The following DLGAP2 variants were observed in gnomAD, a reference collection of about 807,000 sequenced individuals.
DLGAP2 encodes the protein disks large-associated protein 2.
DLGAP2 carries 26 observed loss-of-function variants against 100.3 expected under a neutral mutation model. That is an observed-to-expected ratio of 0.26 (90% confidence interval 0.19 to 0.36). DLGAP2 has a LOEUF of 0.36. DLGAP2 is among the 10% of genes least tolerant of loss of function. DLGAP2 has a pLI of 1.00. For synonymous variants in DLGAP2, 886 were observed against 630.1 expected, an observed-to-expected ratio of 1.41 and a Z score of -6.08; for missense variants, 1,858 against 1,453.2, an observed-to-expected ratio of 1.28 and a Z score of -4.53.
intron 3 of DLGAP2, among the ~76,000 whole-genome samples, chr8:1,304,640 C>A (rs572526167): frequency 6.6e-6 from 1 of 152,048 alleles, no homozygotes; most frequent in African/African-American, 2.4e-5. Context: ...TATGGCTACA[C>A]CTTAAAGATA....
intron 2 of DLGAP2, among the ~76,000 whole-genome samples, chr8:908,912 G>T (rs1798431857): frequency 1.3e-5 from 2 of 152,150 alleles, no homozygotes; most frequent in Admixed American, 6.5e-5. Context: ...CTCTTCTATG[G>T]TAATTAGAAG....
intron 4 of DLGAP2, among the ~76,000 whole-genome samples, chr8:1,537,944 G>C (rs1801212706): frequency 1.3e-5 from 2 of 152,324 alleles, no homozygotes; most frequent in South Asian, 4.1e-4. Context: ...GATGGATGGA[G>C]TGGCCATAAG....
intron 2 of DLGAP2, among the ~76,000 whole-genome samples, chr8:952,231 C>T (rs1435729371): frequency 1.3e-5 from 2 of 152,218 alleles, no homozygotes; most frequent in Non-Finnish European, 2.9e-5. Flanking sequence ...TTTCCCAGTA[C>T]ATCCTAGAGC....
At chr8:1,040,032 C>CGGTTTCCGTGGTCAGCTT (rs1802279626) in intron 2 of DLGAP2, among the ~76,000 whole-genome samples, 1 of 144,232 alleles carries the variant, frequency 6.9e-6, no homozygotes, top group African/African-American at 2.7e-5. Context: ...GTGGTCAGCT[C>CGGTTTCCGTGGTCAGCTT]GGTGTGCATG....
intron 2 of DLGAP2, among the ~76,000 whole-genome samples, chr8:988,411 C>G (rs1800549303): frequency 6.6e-6 from 1 of 152,184 alleles, no homozygotes; most frequent in Non-Finnish European, 1.5e-5. Flanking sequence ...GCCTTAAATT[C>G]TCTTATTACC....
chr8:1,498,379 TAAAAAA>T (rs55865222), intron 3 of DLGAP2, among the ~76,000 whole-genome samples: 2 of 148,962 alleles, frequency 1.3e-5, no homozygotes, highest in African/African-American at 5.0e-5. Context: ...GCAAAATAAA[TAAAAAA>T]AAAAAAATTA....
intron 8 of DLGAP2, among the ~76,000 whole-genome samples, chr8:1,646,608 A>T (rs1798046163): frequency 6.6e-6 from 1 of 152,220 alleles, no homozygotes; most frequent in Non-Finnish European, 1.5e-5. Context: ...ACAATTTGAA[A>T]ATTAAAAAGC....
At chr8:1,204,249 C>G (rs1323015935) in intron 2 of DLGAP2, among the ~76,000 whole-genome samples, 1 of 152,232 alleles carries the variant, frequency 6.6e-6, no homozygotes, top group Admixed American at 6.5e-5. Context: ...GTGTTAGATT[C>G]CGCGAGAGAT....
chr8:1,263,369 C>A (rs1325336764), intron 3 of DLGAP2, among the ~76,000 whole-genome samples: 1 of 152,166 alleles, frequency 6.6e-6, no homozygotes, highest in South Asian at 2.1e-4. Flanking sequence ...TTGGAAAACA[C>A]AATCTGCATG....
intron 4 of DLGAP2, among the ~76,000 whole-genome samples, chr8:1,545,741 T>C (rs1301856262): frequency 1.3e-5 from 2 of 152,222 alleles, no homozygotes; most frequent in African/African-American, 2.4e-5. Flanking sequence ...TCCAGTCCTG[T>C]ATAGTGGAAA....
chr8:1,481,179 A>G (rs1799082460), intron 3 of DLGAP2, among the ~76,000 whole-genome samples: 1 of 150,910 alleles, frequency 6.6e-6, no homozygotes, highest in African/African-American at 2.4e-5. Flanking sequence ...CTCAAAAAAT[A>G]AAAAAAAAAT....
intron 6 of DLGAP2, among the ~76,000 whole-genome samples, chr8:1,585,215 C>T (rs1472660598): frequency 6.6e-6 from 1 of 152,134 alleles, no homozygotes; most frequent in Non-Finnish European, 1.5e-5. Context: ...GTGATCCCAG[C>T]ACTTTGGGAG....
chr8:1,007,834 A>G (rs1801165851), intron 2 of DLGAP2, among the ~76,000 whole-genome samples: 1 of 152,194 alleles, frequency 6.6e-6, no homozygotes. Context: ...TGTGCCCAGT[A>G]ACATAAAAAT....
At chr8:796,333 G>A (rs1009180269) in intron 1 of DLGAP2, among the ~76,000 whole-genome samples, 1 of 152,144 alleles carries the variant, frequency 6.6e-6, no homozygotes, top group African/African-American at 2.4e-5. Context: ...ACTCGCTCCT[G>A]GGAGAATTCT....
intron 2 of DLGAP2, among the ~76,000 whole-genome samples, chr8:912,681 T>TG (rs1338318110): frequency 8.7e-5 from 13 of 148,920 alleles, no homozygotes; most frequent in Non-Finnish European, 1.8e-4. Context: ...TCTGTGGAGC[T>TG]GACCCCCGCA....
intron 2 of DLGAP2, among the ~76,000 whole-genome samples, chr8:1,252,900 C>T (rs79620690): frequency 0.055 from 8,361 of 152,290 alleles, 473 homozygotes; most frequent in African/African-American, 0.14. Context: ...GTCACTGTCA[C>T]AGCTGGAGGG....
intron 2 of DLGAP2, among the ~76,000 whole-genome samples, chr8:913,356 A>C (rs905250092): frequency 6.6e-6 from 1 of 152,198 alleles, no homozygotes; most frequent in Non-Finnish European, 1.5e-5. Flanking sequence ...TTTTAATTTC[A>C]TGATGGACAA....
At chr8:1,413,845 G>A (rs1342993375) in intron 3 of DLGAP2, among the ~76,000 whole-genome samples, 1 of 152,250 alleles carries the variant, frequency 6.6e-6, no homozygotes, top group African/African-American at 2.4e-5. Context: ...CACAGCCTGA[G>A]AAGAGGCACG....
chr8:1,289,710 G>C (rs1026530857), intron 3 of DLGAP2, among the ~76,000 whole-genome samples: 1 of 152,136 alleles, frequency 6.6e-6, no homozygotes, highest in African/African-American at 2.4e-5. Context: ...ACCCCCCCGA[G>C]GCTAATGTTG....
Sources: gnomAD v4.1 joint callset for allele counts (sites outside exome capture counted in the v4.1 genomes callset) on GRCh38, gnomAD v4.1.1 for gene constraint, MANE v1.5 for transcripts, NCBI Gene and HGNC (gene_info 2026-07-23, HGNC 2026-07-21) for gene names.